Variants in SLC39A10 observed in about 807,000 individuals in gnomAD.
SLC39A10 encodes zinc transporter ZIP10.
A neutral mutation model predicts 65.1 loss-of-function variants in SLC39A10; 13 were observed. The observed-to-expected ratio is 0.20, with a 90% CI of 0.13 to 0.32. The LOEUF (loss-of-function observed/expected upper bound fraction) is 0.32, where lower values mean the gene tolerates loss of function less well. Ranked by LOEUF, SLC39A10 falls within the 10% of genes least tolerant of loss-of-function variation. The probability of loss-of-function intolerance (pLI) is 1.00; values close to 1 mark genes in which losing one functional copy is unlikely to be tolerated. For synonymous variants in SLC39A10, 321 were observed against 342.2 expected, an observed-to-expected ratio of 0.94 and a Z score of 0.68; for missense variants, 831 against 1,018.4, an observed-to-expected ratio of 0.82 and a Z score of 2.50.
Position 195,716,647 on chromosome 2 carries a change from C to G in SLC39A10, c.1707C>G (p.Asp569Glu), listed in dbSNP as rs1466196371. 1.2e-6 allele frequency: 2 copies of G among 1,602,280 alleles called. No homozygotes were observed. The highest frequency in any genetic ancestry group is 2.7e-5 in the African/African-American group (2 of 74,538). Residue 569 changes from aspartate (D) to glutamate (E), a missense_variant, in exon 7 of 10, where the codon GAC becomes GAG. Coordinates refer to ENST00000359634, the MANE Select transcript of SLC39A10 (RefSeq NM_020342.3). ...TTGCTATAAATACAGGAACTGATGA[C>G]TCGGTTGTTTCTGAAGATCGACTTA... ...LQLKPLAGTD[D>E]SVVSEDRLNE...
chr2:195,678,643 A>G (rs1381875710), intron 1 of SLC39A10, among the ~76,000 whole-genome samples: 1 of 143,456 alleles, frequency 7.0e-6, no homozygotes, highest in Non-Finnish European at 1.5e-5. Flanking sequence ...TTTGTGTTCT[A>G]TCTCGAAGGT....
At chr2:195,639,009 G>T (rs573851888) in intron 2 of SLC39A10, among the ~76,000 whole-genome samples, 1 of 151,408 alleles carries the variant, frequency 6.6e-6, no homozygotes, top group South Asian at 2.1e-4. Context: ...CGGCTGGAGT[G>T]CAGTGGAACC....
intron 1 of SLC39A10, among the ~76,000 whole-genome samples, chr2:195,677,490 C>T (rs909108311): frequency 2.6e-5 from 4 of 152,094 alleles, no homozygotes; most frequent in African/African-American, 7.2e-5. Flanking sequence ...GCTATGATTG[C>T]GCCACTGTAC....
intron 2 of SLC39A10, among the ~76,000 whole-genome samples, chr2:195,633,448 T>C (rs2105699020): frequency 6.6e-6 from 1 of 152,328 alleles, no homozygotes; most frequent in African/African-American, 2.4e-5. Flanking sequence ...GAGGCTCTTT[T>C]AGTTTTTGCC....
Position 195,735,097 on chromosome 2 carries a change from GTTCC to G in SLC39A10, c.*59_*62del. On this transcript the variant is annotated 3_prime_UTR_variant, in exon 10 of 10. Transcript: ENST00000359634. ...AATGTTACCATGCAGCTTTGCATCT[GTTCC>G]TTGTACTGTATGCACATTGCTCAAA... The G allele has an allele frequency of 6.4e-7, 1 of 1,558,566 alleles. No homozygotes were observed. The highest frequency in any genetic ancestry group is 8.7e-7 in the Non-Finnish European group (1 of 1,148,178).
intron 2 of SLC39A10, among the ~76,000 whole-genome samples, chr2:195,625,238 G>GAAAGAAAGAAAGAAAGAAAGAA (rs1553491778): frequency 2.0e-5 from 3 of 149,208 alleles, no homozygotes; most frequent in African/African-American, 7.4e-5. Flanking sequence ...AAGAAAGAAA[G>GAAAGAAAGAAAGAAAGAAAGAA]AAAGAAAGAT....
At chr2:195,698,932 G>A (rs1559039601) in intron 3 of SLC39A10, among the ~76,000 whole-genome samples, 1 of 151,694 alleles carries the variant, frequency 6.6e-6, no homozygotes, top group Non-Finnish European at 1.5e-5. Context: ...TCAGGTCCAG[G>A]ACTTTGTTTT....
At chr2:195,714,761 C>T (rs1422250029) in intron 6 of SLC39A10, among the ~76,000 whole-genome samples, 1 of 152,128 alleles carries the variant, frequency 6.6e-6, no homozygotes, top group Non-Finnish European at 1.5e-5. Context: ...ATGCTACAAA[C>T]CTTTTTTTTG....
intron 1 of SLC39A10, chr2:195,674,614 C>T (rs1690009303): frequency 1.0e-6 from 1 of 985,306 alleles, no homozygotes; most frequent in Non-Finnish European, 1.2e-6. Context: ...CTTGAGGCCT[C>T]TTATTCCCCC....
intron 1 of SLC39A10, among the ~76,000 whole-genome samples, chr2:195,671,112 T>G (rs1689840438): frequency 6.6e-6 from 1 of 152,190 alleles, no homozygotes; most frequent in South Asian, 2.1e-4. Flanking sequence ...TATAATCACT[T>G]CACTACATAT....
intron 6 of SLC39A10, among the ~76,000 whole-genome samples, chr2:195,715,708 A>G (rs532657140): frequency 2.2e-4 from 33 of 152,202 alleles, no homozygotes; most frequent in Non-Finnish European, 4.0e-4. Context: ...TTTATGAAAT[A>G]GAAGTTCTCA....
intron 9 of SLC39A10, among the ~76,000 whole-genome samples, chr2:195,729,604 T>G (rs547655231): frequency 1.3e-5 from 2 of 152,320 alleles, no homozygotes; most frequent in Admixed American, 1.3e-4. Flanking sequence ...GAACTGATCC[T>G]CTCGTGCTGA....
intron 2 of SLC39A10, among the ~76,000 whole-genome samples, chr2:195,614,131 AGGCT>A (rs1407600949): frequency 6.6e-6 from 1 of 152,204 alleles, no homozygotes; most frequent in Non-Finnish European, 1.5e-5. Context: ...ATTTTCCAGA[AGGCT>A]GGCTGGCTGG....
rs767723842 is a variant in SLC39A10 at position 195,708,617 on chromosome 2, AATT to A, written c.1387-35_1387-33del. On this transcript the variant is annotated intron_variant, in intron 4 of 9. Transcript: ENST00000359634. ...ATTTCAAAATTTTAAATAGCATTTC[AATT>A]ATTTGTTTAGAAGTTTTATTTGTTC... 32 of 1,433,836 alleles carry A rather than the reference AATT, an allele frequency of 2.2e-5. No individual in the cohort carries two copies. The African/African-American group carries it at 3.2e-4, about 14-fold the overall frequency. The allele number at this position is 1,433,836 out of a possible 1,614,324, so 88.8% of individuals were successfully genotyped here. A position where few individuals can be genotyped will look rare whatever the true frequency, so the allele number is the denominator to read the frequency against.
chr2:195,636,515 G>A (rs1027243208), intron 2 of SLC39A10, among the ~76,000 whole-genome samples: 3 of 152,172 alleles, frequency 2.0e-5, no homozygotes, highest in African/African-American at 7.2e-5. Context: ...ACTTTGGGAG[G>A]CTGAGGCGGG....
chr2:195,678,750 A>C (rs1428945618), intron 1 of SLC39A10, among the ~76,000 whole-genome samples: 1 of 152,090 alleles, frequency 6.6e-6, no homozygotes, highest in East Asian at 1.9e-4. Flanking sequence ...AGTTAGACTG[A>C]ATTAGGATGT....
At chr2:195,675,361 T>C (rs748282725) in intron 1 of SLC39A10, among the ~76,000 whole-genome samples, 1 of 152,220 alleles carries the variant, frequency 6.6e-6, no homozygotes. Flanking sequence ...AAAGTTTTCC[T>C]CTGTTTTACC....
At chr2:195,652,290 G>A (rs559606061), upstream of SLC39A10, among the ~76,000 whole-genome samples, 2 of 152,296 alleles carry the variant, frequency 1.3e-5, no homozygotes, top group Non-Finnish European at 2.9e-5. Flanking sequence ...GCTAACACTT[G>A]TAATACCAGC....
At chr2:195,678,221 C>CT (rs1418630900) in intron 1 of SLC39A10, among the ~76,000 whole-genome samples, 4 of 152,214 alleles carry the variant, frequency 2.6e-5, no homozygotes, top group Non-Finnish European at 5.9e-5. Flanking sequence ...GATACAATCT[C>CT]TAATACTACT....
Sources: allele counts gnomAD v4.1 joint callset (sites outside exome capture counted in the v4.1 genomes callset), GRCh38; gene constraint gnomAD v4.1.1; transcripts MANE v1.5; gene names NCBI Gene and HGNC (gene_info 2026-07-23, HGNC 2026-07-21).